Variants in CDK13 observed in about 807,000 individuals in gnomAD.
CDK13 encodes cyclin dependent kinase 13, also known as cyclin-dependent kinase 13.
In CDK13, 40 loss-of-function variants were observed where a neutral mutation model predicts 137.6. The ratio of observed to expected loss-of-function variants is 0.29; its 90% CI spans 0.23 to 0.38. The LOEUF is 0.38. Ranked by LOEUF, CDK13 falls within the 10% of genes least tolerant of loss-of-function variation. The pLI, the probability that CDK13 is intolerant of heterozygous loss-of-function variation, is 1.00. For missense variants in CDK13, 1,704 were observed against 1,951.8 expected, an observed-to-expected ratio of 0.87 and a Z score of 2.39; for synonymous variants, 869 against 760.1, an observed-to-expected ratio of 1.14 and a Z score of -2.36.
At chr7:39,995,408 C>T (rs1784539836) in intron 2 of CDK13, among the ~76,000 whole-genome samples, 1 of 152,056 alleles carries the variant, frequency 6.6e-6, no homozygotes, top group Non-Finnish European at 1.5e-5. Context: ...TCTAAATAGG[C>T]CTATTTTCAG....
intron 1 of CDK13, among the ~76,000 whole-genome samples, chr7:39,981,822 C>T (rs551335645): frequency 7.6e-5 from 11 of 145,646 alleles, no homozygotes; most frequent in East Asian, 4.0e-4. Context: ...GACGGAGTCT[C>T]GCTCTGTCAC....
intron 11 of CDK13, among the ~76,000 whole-genome samples, chr7:40,084,012 A>G (rs1178398174): frequency 6.6e-6 from 1 of 152,154 alleles, no homozygotes; most frequent in Non-Finnish European, 1.5e-5. Flanking sequence ...TCAATTTTTT[A>G]GGAATAATCA....
intron 1 of CDK13, among the ~76,000 whole-genome samples, chr7:39,976,585 C>T (rs1784116776): frequency 6.6e-6 from 1 of 151,828 alleles, no homozygotes. Flanking sequence ...TTCCATGGGG[C>T]ATATATTCTA....
At chr7:40,051,522 G>C (rs1785887753) in intron 7 of CDK13, among the ~76,000 whole-genome samples, 2 of 152,122 alleles carry the variant, frequency 1.3e-5, no homozygotes, top group African/African-American at 4.8e-5. Context: ...GGGCCTTACT[G>C]TAATACTCAT....
At chr7:39,972,784 T>C (rs568456211) in intron 1 of CDK13, among the ~76,000 whole-genome samples, 1 of 152,352 alleles carries the variant, frequency 6.6e-6, no homozygotes, top group East Asian at 1.9e-4. Flanking sequence ...AGTTTTTGCA[T>C]GAGCATTTGT....
Position 40,063,035 on chromosome 7 carries a change from C to T in CDK13, c.2715C>T (p.Gly905=), listed in dbSNP as rs17496605. 1.8e-5 allele frequency: 29 copies of T among 1,613,324 alleles called. No homozygotes were observed. The highest frequency in any genetic ancestry group is 6.7e-5 in the East Asian group (3 of 44,852). Residue 905 remains glycine, a synonymous_variant, in exon 9 of 14, where the codon GGC becomes GGT. Transcript: ENST00000181839. The stretch of plus-strand genomic sequence containing the variant: ...TTTTTTCCATTAGCTGTATCCTTGG[C>T]GAACTCTTCACTAAAAAACCTATAT... ...IDVWSCGCIL[G]ELFTKKPIFQ...
Position 40,094,176 on chromosome 7 carries a change from A to G in CDK13, c.3735A>G (p.Leu1245=), listed in dbSNP as rs1786990094. 1.9e-6 allele frequency: 3 copies of G among 1,614,050 alleles called. No individual in the cohort carries two copies. The highest frequency in any genetic ancestry group is 2.2e-5 in the East Asian group (1 of 44,866). ...ATCAAGATATGAGGATCTTGGAGCTAACGCCAGAACCAGACCGGCCTCGAA... is the reference window on the plus strand; with the variant it reads ...ATCAAGATATGAGGATCTTGGAGCTGACGCCAGAACCAGACCGGCCTCGAA... ...IQHQDMRILE[L]TPEPDRPRIL... Residue 1245 remains leucine, a synonymous_variant, in exon 14 of 14, where the codon CTA becomes CTG. Transcript: ENST00000181839.
At position 40,037,564 on chromosome 7, in the gene CDK13, A is replaced by G. The variant is rs1175193531; in HGVS notation, c.2354-8272A>G. On this transcript the variant is annotated intron_variant, in intron 5 of 13. Coordinates refer to ENST00000181839, the MANE Select transcript of CDK13 (RefSeq NM_003718.5). Reference sequence around the variant, plus strand: ...GAAGTCACATCATTCACTCTCCAATATTCTGTTGGTCACACAGACCGTCCT... The same window carrying G: ...GAAGTCACATCATTCACTCTCCAATGTTCTGTTGGTCACACAGACCGTCCT... Among the ~76,000 whole-genome samples the G allele has an allele frequency of 4.6e-5, 7 of 152,192 alleles. No individual in the cohort carries two copies. In the East Asian group the frequency reaches 1.3e-3, roughly 29 times the overall value.
intron 5 of CDK13, among the ~76,000 whole-genome samples, chr7:40,025,361 G>C (rs989358438): frequency 3.9e-5 from 6 of 151,972 alleles, no homozygotes; most frequent in Admixed American, 6.5e-5. Flanking sequence ...TTGTTGAATA[G>C]TCTCACAAAG....
Position 40,090,286 on chromosome 7 carries a change from G to A in CDK13, c.3235+1955G>A, listed in dbSNP as rs987288623. Reference sequence around the variant, plus strand: ...GATTTGCCCTTTCTGGGCTCATTTTGTTGTTAATTTGCTCTAACTTACTTT... The same window carrying A: ...GATTTGCCCTTTCTGGGCTCATTTTATTGTTAATTTGCTCTAACTTACTTT... On this transcript the variant is annotated intron_variant, in intron 12 of 13. Coordinates refer to ENST00000181839, the MANE Select transcript of CDK13 (RefSeq NM_003718.5). 2.6e-5 allele frequency among the ~76,000 whole-genome samples: 4 copies of A among 152,216 alleles called. No homozygotes were observed. The East Asian group carries it at 7.7e-4, about 29-fold the overall frequency.
chr7:39,968,365 C>CT (rs1455722803), intron 1 of CDK13, among the ~76,000 whole-genome samples: 1 of 152,128 alleles, frequency 6.6e-6, no homozygotes, highest in Non-Finnish European at 1.5e-5. Flanking sequence ...AGATGAGAGT[C>CT]TATTTTCATT....
intron 5 of CDK13, among the ~76,000 whole-genome samples, chr7:40,009,922 C>T (rs1784861571): frequency 6.6e-6 from 1 of 152,124 alleles, no homozygotes; most frequent in African/African-American, 2.4e-5. Flanking sequence ...AGAAGTAAAA[C>T]TGTCTTTAGT....
intron 1 of CDK13, among the ~76,000 whole-genome samples, chr7:39,963,919 C>T (rs1264067919): frequency 6.6e-6 from 1 of 152,116 alleles, no homozygotes; most frequent in East Asian, 1.9e-4. Flanking sequence ...TGCTGGATTA[C>T]GTTTATTGAT....
At chr7:40,026,028 CT>C (rs1785235484) in intron 5 of CDK13, among the ~76,000 whole-genome samples, 1 of 152,198 alleles carries the variant, frequency 6.6e-6, no homozygotes, top group Admixed American at 6.5e-5. Context: ...CCTTGCACCC[CT>C]GACCCCTTTT....
At chr7:40,032,688 G>A (rs1414467270) in intron 5 of CDK13, among the ~76,000 whole-genome samples, 1 of 151,806 alleles carries the variant, frequency 6.6e-6, no homozygotes, top group Non-Finnish European at 1.5e-5. Flanking sequence ...TCAAAGATCA[G>A]TTGACTGTTT....
chr7:40,031,948 A>G (rs1022892743), intron 5 of CDK13, among the ~76,000 whole-genome samples: 6 of 151,644 alleles, frequency 4.0e-5, no homozygotes, highest in African/African-American at 1.5e-4. Context: ...CGGCCTCCCA[A>G]AGTGCTAGGA....
intron 1 of CDK13, among the ~76,000 whole-genome samples, chr7:39,958,214 C>T (rs1787484101): frequency 6.6e-6 from 1 of 152,128 alleles, no homozygotes; most frequent in Non-Finnish European, 1.5e-5. Context: ...AAATGATCTA[C>T]ACGCCTCCCT....
chr7:40,093,793 C>T (rs373101649), intron 13 of CDK13, among the ~76,000 whole-genome samples: 1 of 151,474 alleles, frequency 6.6e-6, no homozygotes, highest in Admixed American at 6.6e-5. Flanking sequence ...GTGATTCCAG[C>T]TACTTGGAAG....
chr7:40,064,020 C>CA (rs1360400065), intron 9 of CDK13, among the ~76,000 whole-genome samples: 1 of 152,048 alleles, frequency 6.6e-6, no homozygotes, highest in Non-Finnish European at 1.5e-5. Context: ...CACGGTTTCT[C>CA]ACGCCCGTAA....
Sources: allele counts gnomAD v4.1 joint callset (sites outside exome capture counted in the v4.1 genomes callset), GRCh38; gene constraint gnomAD v4.1.1; transcripts MANE v1.5; gene names NCBI Gene and HGNC (gene_info 2026-07-23, HGNC 2026-07-21).